Variants in DMBT1 observed in about 807,000 individuals in gnomAD.
The protein encoded by DMBT1 is deleted in malignant brain tumors 1, also known as scavenger receptor cysteine-rich domain-containing protein DMBT1.
DMBT1 carries 198 observed loss-of-function variants against 252.9 expected under a neutral mutation model. The observed-to-expected ratio is 0.78, with a 90% CI of 0.70 to 0.88. DMBT1 has a LOEUF of 0.88. Ranked by LOEUF, DMBT1 falls within the 40% of genes least tolerant of loss-of-function variation. The probability of loss-of-function intolerance (pLI) is 0.00; values close to 1 mark genes in which losing one functional copy is unlikely to be tolerated. For synonymous variants in DMBT1, 990 were observed against 942.7 expected (o/e 1.05, Z -0.92); for missense variants, 2,432 against 2,404.7 (o/e 1.01, Z -0.24).
intron 47 of DMBT1, 40 bp from the exon 48 acceptor site, chr10:122,630,248 G>A: frequency 1.3e-6 from 2 of 1,585,082 alleles, no homozygotes; most frequent in Non-Finnish European, 1.7e-6. Context: ...AGGGGCAATA[G>A]GAATTTCAAT....
chr10:122,617,399 TAGG>T, intron 40 of DMBT1, 139 bp downstream of exon 40: 1 of 1,099,666 alleles, frequency 9.1e-7, no homozygotes, highest in Non-Finnish European at 1.3e-6. Flanking sequence ...GTGGAGTTTC[TAGG>T]GAGTCAGCCC....
At position 122,573,876 on chromosome 10, in the gene DMBT1, C is replaced by T. The variant is rs192475474; in HGVS notation, c.283+114C>T. 1.2e-4 allele frequency: 157 copies of T among 1,323,442 alleles called. 1 individual carries two copies. The highest frequency in any genetic ancestry group is 7.3e-5 in the South Asian group (6 of 81,948). The allele number at this position is 1,323,442 out of a possible 1,614,324, so 82.0% of individuals were successfully genotyped here. A position where few individuals can be genotyped will look rare whatever the true frequency, so the allele number is the denominator to read the frequency against. On this transcript the variant is annotated intron_variant, in intron 6 of 55. Coordinates refer to ENST00000338354, the MANE Select transcript of DMBT1 (RefSeq NM_001377530.1). ...TAGAAAGTAGGGTGCTTAGCTCCCA[C>T]GAGGGGCCCTTCCACAAAAGGCCTC...
At chr10:122,625,404 G>A in intron 45 of DMBT1, 101 bp downstream of exon 45, 3 of 1,137,090 alleles carry the variant, frequency 2.6e-6, no homozygotes, top group Admixed American at 2.0e-5. Flanking sequence ...CCCTGGGGGG[G>A]TAATTTCTCT....
Position 122,592,729 on chromosome 10 carries a change from T to C in DMBT1, c.2500+134T>C, listed in dbSNP as rs2097859425. 4.9e-6 allele frequency: 7 copies of C among 1,443,260 alleles called. 2 individuals carry two copies. In the East Asian group the frequency reaches 1.5e-4, roughly 31 times the overall value. The allele number at this position is 1,443,260 out of a possible 1,614,324, so 89.4% of individuals were successfully genotyped here. ...TATTTATGTAGTCTTGTTAGCTCTC[T>C]GCTAAGGATCTGTATGAATTTTACT... On this transcript the variant is annotated intron_variant, in intron 20 of 55. Coordinates refer to ENST00000338354, the MANE Select transcript of DMBT1 (RefSeq NM_001377530.1).
At chr10:122,622,066 A>G (rs1370377594) in intron 44 of DMBT1, among the ~76,000 whole-genome samples, 1 of 152,194 alleles carries the variant, frequency 6.6e-6, no homozygotes, top group Non-Finnish European at 1.5e-5. Flanking sequence ...GACTTGGTGA[A>G]TTGCTAAAAC....
chr10:122,587,041 T>G (rs1245528747), intron 16 of DMBT1, among the ~76,000 whole-genome samples: 12 of 148,572 alleles, frequency 8.1e-5, no homozygotes, highest in African/African-American at 2.9e-4. Context: ...CATGAAGAGT[T>G]GGCCTTCATG....
intron 41 of DMBT1, among the ~76,000 whole-genome samples, chr10:122,619,103 C>T (rs115764033): frequency 0.018 from 2,809 of 152,270 alleles, 83 homozygotes; most frequent in South Asian, 0.15. Flanking sequence ...TTACTCACCT[C>T]GGAGCTGACA....
At chr10:122,638,332 C>CATTCACACCCATTCACACCT (rs1843865131) in intron 54 of DMBT1, among the ~76,000 whole-genome samples, 1 of 152,128 alleles carries the variant, frequency 6.6e-6, no homozygotes, top group African/African-American at 2.4e-5. Flanking sequence ...CATTCACACC[C>CATTCACACCCATTCACACCT]GTTTGGAGCG....
intron 5 of DMBT1, among the ~76,000 whole-genome samples, 178 bp downstream of exon 5, chr10:122,572,539 C>T (rs1163476150): frequency 6.6e-6 from 1 of 152,218 alleles, no homozygotes; most frequent in East Asian, 1.9e-4. Context: ...TATCACCACA[C>T]ACGAGCACGT....
intron 15 of DMBT1, among the ~76,000 whole-genome samples, 166 bp downstream of exon 15, chr10:122,585,475 A>T (rs1031460565): frequency 6.8e-6 from 1 of 147,554 alleles, no homozygotes; most frequent in African/African-American, 2.4e-5. Flanking sequence ...TGTGGGTCTG[A>T]TGTTGGAGGC....
intron 5 of DMBT1, 73 bp from the exon 6 acceptor site, chr10:122,573,642 T>C: frequency 6.4e-7 from 1 of 1,563,322 alleles, no homozygotes; most frequent in African/African-American, 1.4e-5. Flanking sequence ...GCTTCAGAGC[T>C]GAGCAAGCCC....
At chr10:122,623,415 T>C (rs1268652382) in intron 44 of DMBT1, among the ~76,000 whole-genome samples, 3 of 152,220 alleles carry the variant, frequency 2.0e-5, no homozygotes, top group African/African-American at 4.8e-5. Context: ...TTGGGAGATA[T>C]ATACCTAGGA....
At chr10:122,617,866 A>G (rs2098011806) in intron 40 of DMBT1, 151 bp from the exon 41 acceptor site, 6 of 1,411,562 alleles carry the variant, frequency 4.3e-6, no homozygotes, top group Non-Finnish European at 5.8e-6. Context: ...TTTCCCTATG[A>G]TAAAGCTGAA....
chr10:122,573,809 AC>A, intron 6 of DMBT1, 47 bp downstream of exon 6: 1 of 1,598,814 alleles, frequency 6.3e-7, no homozygotes, highest in South Asian at 1.1e-5. Flanking sequence ...ACCCCCCTGC[AC>A]CCCTAGGTTA....
intron 44 of DMBT1, among the ~76,000 whole-genome samples, chr10:122,623,045 T>C (rs1475070090): frequency 6.6e-6 from 1 of 152,148 alleles, no homozygotes; most frequent in Non-Finnish European, 1.5e-5. Context: ...TCTTACCCCT[T>C]AACCATTCAT....
At chr10:122,620,183 C>T in intron 42 of DMBT1, 70 bp from the exon 43 acceptor site, 1 of 1,523,632 alleles carries the variant, frequency 6.6e-7, no homozygotes, top group Admixed American at 1.7e-5. Context: ...TTGCCTGGTT[C>T]AGAGATTTTT....
chr10:122,598,680 T>C lies in DMBT1; in HGVS notation c.2957-94T>C, dbSNP rs1591395541. On this transcript the variant is annotated intron_variant, in intron 25 of 55. Coordinates refer to ENST00000338354, the MANE Select transcript of DMBT1 (RefSeq NM_001377530.1). ...AAAGGTGACTGCCTGCCCAGGTGACTTTAGCCATTAGGACATGCCTTGAGT... is the reference window on the plus strand; with the variant it reads ...AAAGGTGACTGCCTGCCCAGGTGACCTTAGCCATTAGGACATGCCTTGAGT... 7 of 1,591,380 alleles carry C rather than the reference T, an allele frequency of 4.4e-6. No homozygotes were observed. In the East Asian group the frequency reaches 1.6e-4, roughly 36 times the overall value.
In DMBT1 at chr10:122,621,338, C is replaced by A. The variant is rs916182247; in HGVS notation, c.5566C>A (p.His1856Asn). 1.2e-6 allele frequency: 2 copies of A among 1,613,842 alleles called. No homozygotes were observed. Among genetic ancestry groups the A allele is most frequent in the Non-Finnish European group, 1.7e-6 (2 of 1,179,756 alleles). The change falls in exon 44 of 56, where the codon CAC becomes AAC. Residue 1856 changes from histidine (H) to asparagine (N), a missense_variant. His to Asn is a moderately conservative substitution (Grantham distance 68). Transcript: ENST00000338354. ...WSCPHKGWLT[H>N]NCGHHEDAGV... The stretch of plus-strand genomic sequence containing the variant: ...CTGCCCCCACAAAGGCTGGCTCACC[C>A]ACAACTGTGGCCATCACGAAGACGC...
At chr10:122,563,938 C>G (rs900375930) in intron 1 of DMBT1, among the ~76,000 whole-genome samples, 1 of 152,146 alleles carries the variant, frequency 6.6e-6, no homozygotes, top group Admixed American at 6.5e-5. Context: ...GGAAGGCTCT[C>G]TTAGGCACAT....
Sources: allele counts gnomAD v4.1 joint callset (sites outside exome capture counted in the v4.1 genomes callset), GRCh38; gene constraint gnomAD v4.1.1; transcripts MANE v1.5; gene names NCBI Gene and HGNC (gene_info 2026-07-23, HGNC 2026-07-21).